Variants in MAP4K4 observed in about 807,000 individuals in gnomAD.
The protein encoded by MAP4K4 is HPK/GCK-like kinase HGK.
In MAP4K4, 38 loss-of-function variants were observed where a neutral mutation model predicts 189.6. The ratio of observed to expected loss-of-function variants is 0.20; its 90% CI spans 0.15 to 0.26. The LOEUF (loss-of-function observed/expected upper bound fraction) is 0.26, where lower values mean the gene tolerates loss of function less well. Ranked by LOEUF, MAP4K4 falls within the 10% of genes least tolerant of loss-of-function variation. The probability of loss-of-function intolerance (pLI) is 1.00; values close to 1 mark genes in which losing one functional copy is unlikely to be tolerated. For synonymous variants in MAP4K4, 610 were observed against 624.3 expected, an observed-to-expected ratio of 0.98 and a Z score of 0.34; for missense variants, 1,054 against 1,726.9, an observed-to-expected ratio of 0.61 and a Z score of 6.91.
intron 3 of MAP4K4, chr2:101,797,470 T>C: frequency 3.6e-6 from 4 of 1,116,596 alleles, no homozygotes; most frequent in Non-Finnish European, 4.7e-6. Context: ...CTTCTGCTTT[T>C]CCCTTAGCTA....
chr2:101,792,224 G>A (rs1256580694), intron 3 of MAP4K4, among the ~76,000 whole-genome samples: 3 of 152,174 alleles, frequency 2.0e-5, no homozygotes, highest in African/African-American at 7.2e-5. Context: ...TGTGTTGGGA[G>A]TGGTGTTGCT....
chr2:101,844,739 C>T (rs187143738), intron 12 of MAP4K4, among the ~76,000 whole-genome samples: 2 of 152,090 alleles, frequency 1.3e-5, no homozygotes, highest in East Asian at 3.9e-4. Context: ...GACTTTTTCA[C>T]ATGAAAGTTT....
At chr2:101,802,880 G>T (rs941164622) in intron 3 of MAP4K4, among the ~76,000 whole-genome samples, 3 of 152,006 alleles carry the variant, frequency 2.0e-5, no homozygotes, top group African/African-American at 7.2e-5. Flanking sequence ...CTGCCTCCTG[G>T]GTTCAAGTGA....
rs146884961 is a variant in MAP4K4 at position 101,866,976 on chromosome 2, G to A, written c.2357-236G>A. Among the ~76,000 whole-genome samples, 1,074 of 151,568 alleles carry A rather than the reference G, an allele frequency of 7.1e-3. 9 individuals are homozygous for A. The highest frequency in any genetic ancestry group is 0.011 in the Non-Finnish European group (714 of 67,938). ...CTGTATTATTGACATACCATGACAA[G>A]GTATATATTGTGAACACGTGTCAAA... On this transcript the variant is annotated intron_variant, in intron 19 of 32. Coordinates refer to ENST00000324219, the Ensembl canonical transcript of MAP4K4.
chr2:101,844,425 C>G lies in MAP4K4; in HGVS notation c.1233+114C>G, dbSNP rs1213112534. 3 of 790,708 alleles carry G rather than the reference C, an allele frequency of 3.8e-6. No individual in the cohort carries two copies. The African/African-American group carries it at 5.3e-5, about 14-fold the overall frequency. 49.0% of individuals were successfully genotyped at this position (790,708 alleles called of 1,614,324 possible). A position where few individuals can be genotyped will look rare whatever the true frequency, so the allele number is the denominator to read the frequency against. On this transcript the variant is annotated intron_variant, in intron 12 of 32. Transcript: ENST00000324219. ...AGCTTCCTGGGGTAATACTTATCCCCTGGCACAGCTGTTTACATAACTTGT... is the reference window on the plus strand; with the variant it reads ...AGCTTCCTGGGGTAATACTTATCCCGTGGCACAGCTGTTTACATAACTTGT...
intron 2 of MAP4K4, among the ~76,000 whole-genome samples, chr2:101,786,118 C>T (rs940773395): frequency 6.6e-6 from 1 of 152,106 alleles, no homozygotes; most frequent in Non-Finnish European, 1.5e-5. Flanking sequence ...AGCCATTGCA[C>T]CCGGCCGGCA....
intron 3 of MAP4K4, among the ~76,000 whole-genome samples, chr2:101,820,198 G>T (rs1052046456): frequency 6.6e-6 from 1 of 152,190 alleles, no homozygotes; most frequent in Admixed American, 6.5e-5. Context: ...TGCTCAGGAA[G>T]CCTTTCATGG....
intron 12 of MAP4K4, 40 bp from the exon 13 acceptor site, chr2:101,855,934 TGGC>T: frequency 6.5e-7 from 1 of 1,529,848 alleles, no homozygotes; most frequent in Non-Finnish European, 8.8e-7. Context: ...ATGAGAAAGA[TGGC>T]GGGAAGATCC....
intron 2 of MAP4K4, among the ~76,000 whole-genome samples, chr2:101,783,409 G>T (rs903073672): frequency 6.6e-6 from 1 of 152,116 alleles, no homozygotes; most frequent in African/African-American, 2.4e-5. Context: ...AGTCTGAAAG[G>T]GGAAAGAGAA....
chr2:101,767,733 C>G (rs1024800882), intron 2 of MAP4K4, among the ~76,000 whole-genome samples: 1 of 152,208 alleles, frequency 6.6e-6, no homozygotes, highest in African/African-American at 2.4e-5. Context: ...GAGAGAGATG[C>G]TCCTTCTAAC....
intron 2 of MAP4K4, among the ~76,000 whole-genome samples, chr2:101,726,322 G>C (rs907102612): frequency 2.0e-5 from 3 of 152,198 alleles, no homozygotes; most frequent in Non-Finnish European, 2.9e-5. Context: ...TTTAAAAACT[G>C]ATGTAAGCAT....
chr2:101,866,474 C>T (rs201353278), exon 19 of MAP4K4: 1 of 1,613,580 alleles, frequency 6.2e-7, no homozygotes, highest in Non-Finnish European at 8.5e-7. Context: ...GAAGCTGGTG[C>T]CCAGACCTGG....
chr2:101,871,592 C>T, exon 24 of MAP4K4: 2 of 1,536,470 alleles, frequency 1.3e-6, no homozygotes, highest in Non-Finnish European at 1.7e-6. Context: ...GCCATTCCTC[C>T]TCCACTTCCT....
intron 2 of MAP4K4, among the ~76,000 whole-genome samples, chr2:101,745,339 C>G (rs1029183333): frequency 5.9e-5 from 8 of 135,746 alleles, no homozygotes; most frequent in Admixed American, 2.2e-4. Context: ...CCCCCCCCCC[C>G]CCAATACTGC....
intron 12 of MAP4K4, among the ~76,000 whole-genome samples, chr2:101,855,570 ATTCT>A (rs2097427326): frequency 6.6e-6 from 1 of 151,706 alleles, no homozygotes; most frequent in African/African-American, 2.4e-5. Flanking sequence ...CCTTTTTTAA[ATTCT>A]TTGTCTGTCT....
intron 9 of MAP4K4, 73 bp from the exon 10 acceptor site, chr2:101,839,746 C>T: frequency 1.7e-6 from 2 of 1,149,020 alleles, no homozygotes; most frequent in South Asian, 1.6e-5. Context: ...TATGTTGAGG[C>T]TTGTAAGTTA....
At chr2:101,831,603 T>C (rs2096597370) in intron 6 of MAP4K4, 118 bp from the exon 7 acceptor site, 2 of 1,118,734 alleles carry the variant, frequency 1.8e-6, no homozygotes, top group Admixed American at 2.0e-5. Flanking sequence ...CGCATATTCA[T>C]GAAGCACTGC....
intron 2 of MAP4K4, among the ~76,000 whole-genome samples, chr2:101,767,108 A>G (rs1329875648): frequency 6.6e-6 from 1 of 152,202 alleles, no homozygotes; most frequent in African/African-American, 2.4e-5. Context: ...GTTATACCCT[A>G]TGCAGACATC....
intron 10 of MAP4K4, among the ~76,000 whole-genome samples, chr2:101,840,585 G>A (rs934769961): frequency 1.1e-4 from 17 of 152,128 alleles, no homozygotes; most frequent in African/African-American, 2.7e-4. Flanking sequence ...AATGTTCTCC[G>A]TTTTCCTTCT....
Sources: allele counts gnomAD v4.1 joint callset (sites outside exome capture counted in the v4.1 genomes callset), GRCh38; gene constraint gnomAD v4.1.1; transcripts MANE v1.5; gene names NCBI Gene and HGNC (gene_info 2026-07-23, HGNC 2026-07-21).